The following MCF2L2 variants were observed in gnomAD, a reference collection of about 807,000 sequenced individuals.
MCF2L2 encodes probable guanine nucleotide exchange factor MCF2L2.
A neutral mutation model predicts 150.2 loss-of-function variants in MCF2L2; 102 were observed. The observed-to-expected ratio is 0.68, with a 90% CI of 0.58 to 0.80. The LOEUF (loss-of-function observed/expected upper bound fraction) is 0.80. Among genes scored for constraint, MCF2L2 ranks in the 30% least tolerant of loss-of-function variants. The probability of loss-of-function intolerance (pLI) is 0.00; values close to 1 mark genes in which losing one functional copy is unlikely to be tolerated. For missense variants in MCF2L2, 1,256 were observed against 1,372.8 expected (o/e 0.91, Z 1.34); for synonymous variants, 465 against 491.3 (o/e 0.95, Z 0.71).
chr3:183,200,473 G>A (rs1340666914), intron 25 of MCF2L2, among the ~76,000 whole-genome samples: 1 of 151,994 alleles, frequency 6.6e-6, no homozygotes, highest in Non-Finnish European at 1.5e-5. Context: ...TGATGGGGTT[G>A]ATTTTTTTCT....
intron 1 of MCF2L2, among the ~76,000 whole-genome samples, chr3:183,417,578 C>T (rs1241627604): frequency 1.3e-5 from 2 of 152,186 alleles, no homozygotes; most frequent in Admixed American, 1.3e-4. Flanking sequence ...GGATCACTTG[C>T]TTTCAGCCTG....
intron 1 of MCF2L2, among the ~76,000 whole-genome samples, chr3:183,393,379 G>T (rs1418513041): frequency 5.3e-5 from 8 of 151,926 alleles, no homozygotes; most frequent in Non-Finnish European, 1.5e-5. Flanking sequence ...TTTCAGTAGG[G>T]ACAGGGTTTC....
At chr3:183,234,707 T>TATTTTTA (rs1553885346) in intron 15 of MCF2L2, among the ~76,000 whole-genome samples, 4 of 113,906 alleles carry the variant, frequency 3.5e-5, no homozygotes, top group Admixed American at 1.9e-4. Flanking sequence ...TTTTTTTTTT[T>TATTTTTA]TTATTATACT....
intron 3 of MCF2L2, among the ~76,000 whole-genome samples, chr3:183,355,463 T>TC (rs1198311192): frequency 1.3e-5 from 2 of 151,860 alleles, no homozygotes; most frequent in African/African-American, 2.4e-5. Context: ...TTTTTTTTTT[T>TC]TTGAGACGGA....
intron 1 of MCF2L2, among the ~76,000 whole-genome samples, chr3:183,405,821 T>C (rs965710368): frequency 6.6e-6 from 1 of 152,192 alleles, no homozygotes; most frequent in Non-Finnish European, 1.5e-5. Context: ...CTTCAAGCAA[T>C]CCTCATGCCT....
At chr3:183,259,718 C>T (rs979309654) in intron 15 of MCF2L2, among the ~76,000 whole-genome samples, 1 of 152,018 alleles carries the variant, frequency 6.6e-6, no homozygotes, top group African/African-American at 2.4e-5. Flanking sequence ...TTTTTGTCAC[C>T]CTCCTGCGAC....
At chr3:183,193,732 C>A (rs1310574535) in intron 26 of MCF2L2, among the ~76,000 whole-genome samples, 1 of 152,114 alleles carries the variant, frequency 6.6e-6, no homozygotes, top group East Asian at 1.9e-4. Context: ...TCTTTACTGA[C>A]CCAAAATGCC....
At chr3:183,424,059 C>T (rs1716039369) in intron 1 of MCF2L2, among the ~76,000 whole-genome samples, 1 of 152,142 alleles carries the variant, frequency 6.6e-6, no homozygotes, top group Non-Finnish European at 1.5e-5. Flanking sequence ...CAGCACACCT[C>T]CACATATAAA....
chr3:183,367,927 A>G lies in MCF2L2; in HGVS notation c.275+11370T>C, dbSNP rs531877684. On this transcript the variant is annotated intron_variant, in intron 3 of 29. Coordinates refer to ENST00000328913, the MANE Select transcript of MCF2L2 (RefSeq NM_015078.4). The stretch of plus-strand genomic sequence containing the variant: ...TACAGACATAAATATGCATGTTAGT[A>G]TCATGGAGCTAACCACCATTATATC... Among the ~76,000 whole-genome samples, 5 of 152,358 alleles carry G rather than the reference A, an allele frequency of 3.3e-5. No homozygotes were observed. The South Asian group carries it at 6.2e-4, about 19-fold the overall frequency.
intron 4 of MCF2L2, among the ~76,000 whole-genome samples, chr3:183,339,637 G>A (rs559787550): frequency 6.6e-6 from 1 of 152,150 alleles, no homozygotes; most frequent in Non-Finnish European, 1.5e-5. Flanking sequence ...CGCCCACATC[G>A]CAAGGCAAGA....
intron 15 of MCF2L2, among the ~76,000 whole-genome samples, chr3:183,239,377 G>T (rs1450690943): frequency 1.3e-5 from 2 of 151,860 alleles, no homozygotes; most frequent in African/African-American, 4.8e-5. Flanking sequence ...ACAGAGCTTT[G>T]GATATCTGGT....
chr3:183,404,768 C>G (rs1238463283), intron 1 of MCF2L2, among the ~76,000 whole-genome samples: 2 of 152,176 alleles, frequency 1.3e-5, no homozygotes, highest in East Asian at 3.9e-4. Flanking sequence ...GAGGCTGAGG[C>G]AGAAGAATCA....
intron 1 of MCF2L2, among the ~76,000 whole-genome samples, chr3:183,412,004 T>C (rs1370244919): frequency 6.6e-6 from 1 of 152,038 alleles, no homozygotes; most frequent in Non-Finnish European, 1.5e-5. Flanking sequence ...GCACAGAAGG[T>C]TAAAAAGCCA....
At chr3:183,405,860 C>G (rs1013921207) in intron 1 of MCF2L2, among the ~76,000 whole-genome samples, 8 of 152,124 alleles carry the variant, frequency 5.3e-5, no homozygotes, top group Non-Finnish European at 8.8e-5. Context: ...GGGTTATAGG[C>G]GCAAGCCACC....
At chr3:183,348,115 AGCACT>A (rs1730970665) in intron 3 of MCF2L2, among the ~76,000 whole-genome samples, 1 of 152,204 alleles carries the variant, frequency 6.6e-6, no homozygotes, top group South Asian at 2.1e-4. Context: ...TGTTTATTGC[AGCACT>A]GTTTACAATA....
chr3:183,228,232 G>T, intron 18 of MCF2L2, 65 bp downstream of exon 18: 1 of 1,217,134 alleles, frequency 8.2e-7, no homozygotes, highest in South Asian at 1.2e-5. Context: ...ATTTGTCCTT[G>T]CCACTTAACG....
chr3:183,410,428 G>A (rs1270497279), intron 1 of MCF2L2, among the ~76,000 whole-genome samples: 1 of 152,180 alleles, frequency 6.6e-6, no homozygotes, highest in Non-Finnish European at 1.5e-5. Flanking sequence ...GATAAAGCAG[G>A]GACCCATGGG....
intron 15 of MCF2L2, chr3:183,272,906 G>A: frequency 7.5e-7 from 1 of 1,336,170 alleles, no homozygotes; most frequent in South Asian, 1.9e-5. Context: ...TTTATTTGCT[G>A]AAAGAGCTCT....
At chr3:183,222,782 T>C (rs1723194682) in intron 20 of MCF2L2, among the ~76,000 whole-genome samples, 1 of 152,012 alleles carries the variant, frequency 6.6e-6, no homozygotes, top group Non-Finnish European at 1.5e-5. Context: ...TCATATCCTG[T>C]TTGGAGTGTC....
Sources: allele counts gnomAD v4.1 joint callset (sites outside exome capture counted in the v4.1 genomes callset), GRCh38; gene constraint gnomAD v4.1.1; transcripts MANE v1.5; gene names NCBI Gene and HGNC (gene_info 2026-07-23, HGNC 2026-07-21).